CSMD1: variants seen among roughly 807,000 people sequenced by gnomAD.
The protein encoded by CSMD1 is CUB and sushi domain-containing protein 1.
A neutral mutation model predicts 417.5 loss-of-function variants in CSMD1; 213 were observed. The observed-to-expected ratio is 0.51, with a 90% CI of 0.46 to 0.57. The LOEUF is 0.57. Among genes scored for constraint, CSMD1 ranks in the 20% least tolerant of loss-of-function variants. CSMD1 has a pLI of 0.00. For missense variants in CSMD1, 6,923 were observed against 4,529.7 expected, an observed-to-expected ratio of 1.53 and a Z score of -15.17; for synonymous variants, 2,862 against 1,736.8, an observed-to-expected ratio of 1.65 and a Z score of -16.11.
intron 5 of CSMD1, among the ~76,000 whole-genome samples, chr8:3,993,851 C>G (rs1202684725): frequency 6.6e-6 from 1 of 152,152 alleles, no homozygotes; most frequent in African/African-American, 2.4e-5. Flanking sequence ...TCTGCATGCC[C>G]CTCTAAGCAT....
In CSMD1 at chr8:4,258,295, G is replaced by C. The variant is rs535939409; in HGVS notation, c.415+161658C>G. ...TGTGAGCTATTATGGTAAGGAGAAA[G>C]GGAGAAAGAGAGTGAGGGAGGAGAG... On this transcript the variant is annotated intron_variant, in intron 3 of 69. Coordinates refer to ENST00000635120, the MANE Select transcript of CSMD1 (RefSeq NM_033225.6). Among the ~76,000 whole-genome samples the C allele has an allele frequency of 3.2e-5, 4 of 125,588 alleles. No individual in the cohort carries two copies. The South Asian group carries it at 1.3e-3, about 39-fold the overall frequency. The allele number at this position is 125,588 out of a possible 152,430, so 82.4% of individuals were successfully genotyped here.
intron 5 of CSMD1, among the ~76,000 whole-genome samples, chr8:3,784,991 G>T (rs551493015): frequency 6.6e-6 from 1 of 152,156 alleles, no homozygotes; most frequent in Non-Finnish European, 1.5e-5. Flanking sequence ...TGTCTCTCAT[G>T]TCAGATTCTC....
intron 39 of CSMD1, among the ~76,000 whole-genome samples, chr8:3,153,194 A>C (rs1252419350): frequency 2.6e-5 from 4 of 152,046 alleles, no homozygotes; most frequent in African/African-American, 9.7e-5. Flanking sequence ...TCACTGCTAC[A>C]CTCCCACCAG....
At chr8:3,975,502 C>A (rs997533274) in intron 5 of CSMD1, among the ~76,000 whole-genome samples, 2 of 152,130 alleles carry the variant, frequency 1.3e-5, no homozygotes, top group Non-Finnish European at 2.9e-5. Flanking sequence ...TCAAGTAGCA[C>A]AGAAACTTCA....
chr8:3,480,506 G>T (rs1468568570), intron 11 of CSMD1, among the ~76,000 whole-genome samples: 3 of 152,104 alleles, frequency 2.0e-5, no homozygotes, highest in African/African-American at 7.2e-5. Context: ...CTAGATGATG[G>T]TGTTGAAATT....
chr8:3,710,804 G>A (rs1336361537), intron 6 of CSMD1, among the ~76,000 whole-genome samples: 1 of 152,134 alleles, frequency 6.6e-6, no homozygotes, highest in Non-Finnish European at 1.5e-5. Context: ...AAGGCTCACA[G>A]ATGCACAGGG....
chr8:4,272,856 C>A lies in CSMD1; in HGVS notation c.415+147097G>T, dbSNP rs182882455. The stretch of plus-strand genomic sequence containing the variant: ...GTCTTGATGAATAAGTCTCGACACA[C>A]AGATAAAACGATAGATAAAATTTGT... On this transcript the variant is annotated intron_variant, in intron 3 of 69. Coordinates refer to ENST00000635120, the MANE Select transcript of CSMD1 (RefSeq NM_033225.6). 6.2e-3 allele frequency among the ~76,000 whole-genome samples: 941 copies of A among 152,214 alleles called. 9 individuals are homozygous for A. Among genetic ancestry groups the A allele is most frequent in the African/African-American group, 0.021 (878 of 41,548 alleles).
chr8:4,861,903 C>G (rs1474600282), intron 1 of CSMD1, among the ~76,000 whole-genome samples: 1 of 152,048 alleles, frequency 6.6e-6, no homozygotes, highest in Non-Finnish European at 1.5e-5. Context: ...ACCTGAAGAA[C>G]TTTCCACTTA....
At chr8:3,872,064 A>G (rs1208697271) in intron 5 of CSMD1, among the ~76,000 whole-genome samples, 1 of 152,220 alleles carries the variant, frequency 6.6e-6, no homozygotes, top group Non-Finnish European at 1.5e-5. Context: ...CTTTTAGGAT[A>G]CAACCTGCTG....
chr8:3,706,590 A>G (rs968366957), intron 7 of CSMD1, among the ~76,000 whole-genome samples: 1 of 152,228 alleles, frequency 6.6e-6, no homozygotes. Flanking sequence ...CAGAAGAGAT[A>G]TTCTCCTTAT....
intron 28 of CSMD1, 28 bp from the exon 29 acceptor site, chr8:3,219,470 T>A: frequency 7.2e-7 from 1 of 1,387,088 alleles, no homozygotes; most frequent in Non-Finnish European, 9.5e-7. Context: ...AATTATGTCA[T>A]ACGGCTAACA....
intron 6 of CSMD1, among the ~76,000 whole-genome samples, chr8:3,744,049 C>G (rs1277420963): frequency 6.6e-6 from 1 of 152,192 alleles, no homozygotes; most frequent in Non-Finnish European, 1.5e-5. Flanking sequence ...GTGGAGCCCT[C>G]ACAATCCTCT....
chr8:3,434,457 A>C (rs1023739677), intron 12 of CSMD1, among the ~76,000 whole-genome samples: 2 of 152,228 alleles, frequency 1.3e-5, no homozygotes, highest in Admixed American at 1.3e-4. Context: ...TATTAAAGAA[A>C]ATAGTATCCC....
At chr8:4,368,875 C>A (rs1583652) in intron 3 of CSMD1, among the ~76,000 whole-genome samples, 4 of 152,088 alleles carry the variant, frequency 2.6e-5, no homozygotes, top group African/African-American at 7.2e-5. Context: ...CACAGTCTAT[C>A]AATCTTATTT....
chr8:4,099,772 C>A (rs765530703), intron 3 of CSMD1, among the ~76,000 whole-genome samples: 6 of 152,290 alleles, frequency 3.9e-5, no homozygotes, highest in Middle Eastern at 3.4e-3. Context: ...AATCTCCCAG[C>A]CACTTCCCTT....
intron 3 of CSMD1, among the ~76,000 whole-genome samples, chr8:4,399,895 T>C (rs190035996): frequency 8.1e-4 from 124 of 152,340 alleles, no homozygotes; most frequent in African/African-American, 2.7e-3. Flanking sequence ...ATCATCATTT[T>C]AAGCTCTCAT....
intron 18 of CSMD1, among the ~76,000 whole-genome samples, chr8:3,370,426 C>T (rs987827671): frequency 6.6e-6 from 1 of 152,196 alleles, no homozygotes; most frequent in Non-Finnish European, 1.5e-5. Context: ...AGTTGTGAGG[C>T]CTATGGATGT....
At chr8:3,709,167 G>C (rs200403571) in intron 6 of CSMD1, among the ~76,000 whole-genome samples, 2 of 57,304 alleles carry the variant, frequency 3.5e-5, no homozygotes, top group African/African-American at 1.1e-4. Context: ...TTTTTTTTTG[G>C]TCACTTACGG....
At chr8:4,622,792 A>G (rs1801858900) in intron 2 of CSMD1, among the ~76,000 whole-genome samples, 1 of 152,104 alleles carries the variant, frequency 6.6e-6, no homozygotes, top group South Asian at 2.1e-4. Flanking sequence ...CAGCACCCAA[A>G]AGAAGAAGGC....
Sources: allele counts gnomAD v4.1 joint callset (sites outside exome capture counted in the v4.1 genomes callset), GRCh38; gene constraint gnomAD v4.1.1; transcripts MANE v1.5; gene names NCBI Gene and HGNC (gene_info 2026-07-23, HGNC 2026-07-21).